The following MLLT10 variants were observed in gnomAD, a reference collection of about 807,000 sequenced individuals.
The protein encoded by MLLT10 is MLLT10 histone lysine methyltransferase DOT1L cofactor, also known as protein AF-10.
A neutral mutation model predicts 129.1 loss-of-function variants in MLLT10; 30 were observed. The observed-to-expected ratio is 0.23, with a 90% CI of 0.17 to 0.32. The LOEUF (loss-of-function observed/expected upper bound fraction) is 0.32, where lower values mean the gene tolerates loss of function less well. Among genes scored for constraint, MLLT10 ranks in the 10% least tolerant of loss-of-function variants. The pLI is 1.00. For missense variants in MLLT10, 1,119 were observed against 1,268.3 expected (o/e 0.88, Z 1.79); for synonymous variants, 490 against 446.4 (o/e 1.10, Z -1.23).
intron 6 of MLLT10, among the ~76,000 whole-genome samples, chr10:21,613,261 A>G (rs545885154): frequency 1.3e-4 from 20 of 151,760 alleles, no homozygotes; most frequent in Non-Finnish European, 2.4e-4. Flanking sequence ...AAAATTATTT[A>G]CAACAATATA....
intron 14 of MLLT10, among the ~76,000 whole-genome samples, chr10:21,724,199 A>G (rs2131551976): frequency 6.6e-6 from 1 of 152,394 alleles, no homozygotes; most frequent in South Asian, 2.1e-4. Context: ...CCAGAAATTG[A>G]CAGATTTAAT....
chr10:21,548,116 A>G (rs1169516040), intron 3 of MLLT10, among the ~76,000 whole-genome samples: 2 of 152,038 alleles, frequency 1.3e-5, no homozygotes, highest in South Asian at 2.1e-4. Flanking sequence ...TCCTGTAACT[A>G]AAGATTTTAT....
At chr10:21,734,165 T>TA (rs2058168346) in intron 20 of MLLT10, 36 bp downstream of exon 20, 1 of 1,554,584 alleles carries the variant, frequency 6.4e-7, no homozygotes, top group East Asian at 2.2e-5. Flanking sequence ...TTTTTTAGTA[T>TA]AACAGAGTAC....
chr10:21,650,683 T>TA (rs1337393826), intron 8 of MLLT10, among the ~76,000 whole-genome samples: 1 of 152,176 alleles, frequency 6.6e-6, no homozygotes, highest in Non-Finnish European at 1.5e-5. Context: ...TACTGTTTCA[T>TA]AATGTAGTGA....
intron 8 of MLLT10, among the ~76,000 whole-genome samples, chr10:21,650,043 A>G (rs2048871962): frequency 6.6e-6 from 1 of 152,164 alleles, no homozygotes; most frequent in Non-Finnish European, 1.5e-5. Context: ...TGGGCAACAT[A>G]GTGAGACCCC....
intron 11 of MLLT10, among the ~76,000 whole-genome samples, chr10:21,674,249 T>TA (rs1277075386): frequency 6.6e-6 from 1 of 152,154 alleles, no homozygotes; most frequent in Non-Finnish European, 1.5e-5. Flanking sequence ...ATTTTTTTTT[T>TA]AATGCAGAAT....
intron 5 of MLLT10, among the ~76,000 whole-genome samples, chr10:21,598,899 G>T (rs573300259): frequency 1.3e-5 from 2 of 151,712 alleles, no homozygotes; most frequent in African/African-American, 4.8e-5. Flanking sequence ...AAAAAAATTG[G>T]CTGGGCCTGC....
chr10:21,636,392 A>G (rs925835264), intron 8 of MLLT10, among the ~76,000 whole-genome samples: 10 of 152,068 alleles, frequency 6.6e-5, no homozygotes, highest in African/African-American at 1.7e-4. Context: ...TTGGCCTACC[A>G]GTGTTACGAT....
At chr10:21,580,036 T>C (rs1322733099) in intron 3 of MLLT10, among the ~76,000 whole-genome samples, 3 of 151,390 alleles carry the variant, frequency 2.0e-5, no homozygotes, top group Non-Finnish European at 4.4e-5. Flanking sequence ...TTTTTTTTAA[T>C]TTGAGATCAA....
At chr10:21,738,508 G>C in intron 21 of MLLT10, 5 of 1,287,558 alleles carry the variant, frequency 3.9e-6, no homozygotes, top group Non-Finnish European at 5.1e-6. Flanking sequence ...TCCTTCATCT[G>C]CCAATGTCGT....
chr10:21,639,603 G>A (rs926516321), intron 8 of MLLT10, among the ~76,000 whole-genome samples: 1 of 152,168 alleles, frequency 6.6e-6, no homozygotes, highest in Non-Finnish European at 1.5e-5. Flanking sequence ...GTTATACCGA[G>A]TTCACTGGAC....
At chr10:21,622,208 G>A (rs1172162409) in intron 8 of MLLT10, among the ~76,000 whole-genome samples, 1 of 148,752 alleles carries the variant, frequency 6.7e-6, no homozygotes, top group Non-Finnish European at 1.5e-5. Context: ...CGCAGGCTGG[G>A]GTGCAGTGGC....
At chr10:21,730,220 A>C (rs780138477) in intron 16 of MLLT10, among the ~76,000 whole-genome samples, 16 of 151,120 alleles carry the variant, frequency 1.1e-4, no homozygotes, top group Non-Finnish European at 2.4e-4. Context: ...GCTTGAACCC[A>C]GGACCCAGGA....
At chr10:21,595,251 AG>A in intron 4 of MLLT10, 79 bp from the exon 5 acceptor site, 1 of 963,366 alleles carries the variant, frequency 1.0e-6, no homozygotes, top group Non-Finnish European at 1.6e-6. Context: ...TAGACATTTA[AG>A]GGATCTGTTA....
chr10:21,577,015 C>T (rs931510514), intron 3 of MLLT10, among the ~76,000 whole-genome samples: 5 of 152,190 alleles, frequency 3.3e-5, no homozygotes, highest in African/African-American at 1.2e-4. Context: ...CCCTTTGGCC[C>T]ATTAACAGTC....
intron 14 of MLLT10, among the ~76,000 whole-genome samples, chr10:21,724,193 A>C (rs1192788194): frequency 6.6e-6 from 1 of 152,270 alleles, no homozygotes; most frequent in Non-Finnish European, 1.5e-5. Context: ...CAAAACCCAG[A>C]AATTGACAGA....
chr10:21,741,903 T>C (rs1833704552), intron 22 of MLLT10, 36 bp from the exon 23 acceptor site: 1 of 1,594,744 alleles, frequency 6.3e-7, no homozygotes, highest in African/African-American at 1.3e-5. Context: ...CAAAAGTTGA[T>C]TTAGCTAACG....
At chr10:21,541,666 G>A (rs368149336) in intron 3 of MLLT10, among the ~76,000 whole-genome samples, 2 of 152,218 alleles carry the variant, frequency 1.3e-5, no homozygotes, top group African/African-American at 4.8e-5. Context: ...GATTACAGGC[G>A]TGAGCTACCA....
At position 21,696,355 on chromosome 10, in the gene MLLT10, G is replaced by C. The variant is rs549000023; in HGVS notation, c.1699+14098G>C. On this transcript the variant is annotated intron_variant, in intron 13 of 22. Coordinates refer to ENST00000307729, the MANE Select transcript of MLLT10 (RefSeq NM_001195626.3). ...AGCCCTCAGGAGATCCTGAGAACAT[G>C]TGCCCTCATTTTTAGGTAATTTTAA... 1.3e-5 allele frequency among the ~76,000 whole-genome samples: 2 copies of C among 151,998 alleles called. 1 individual carries two copies. The highest frequency in any genetic ancestry group is 4.2e-4 in the South Asian group (2 of 4,818).
Sources: allele counts gnomAD v4.1 joint callset (sites outside exome capture counted in the v4.1 genomes callset), GRCh38; gene constraint gnomAD v4.1.1; transcripts MANE v1.5; gene names NCBI Gene and HGNC (gene_info 2026-07-23, HGNC 2026-07-21).